Variants in MCF2L2 observed in about 807,000 individuals in gnomAD.
The protein encoded by MCF2L2 is probable guanine nucleotide exchange factor MCF2L2.
In MCF2L2, 102 loss-of-function variants were observed where a neutral mutation model predicts 150.2. The ratio of observed to expected loss-of-function variants is 0.68; its 90% CI spans 0.58 to 0.80. The LOEUF (loss-of-function observed/expected upper bound fraction) is 0.80, where lower values mean the gene tolerates loss of function less well. MCF2L2 is among the 30% of genes least tolerant of loss of function. MCF2L2 has a pLI of 0.00. For missense variants in MCF2L2, 1,256 were observed against 1,372.8 expected, an observed-to-expected ratio of 0.91 and a Z score of 1.34; for synonymous variants, 465 against 491.3, an observed-to-expected ratio of 0.95 and a Z score of 0.71.
At chr3:183,410,319 GTC>G (rs1185319186) in intron 1 of MCF2L2, among the ~76,000 whole-genome samples, 1 of 152,186 alleles carries the variant, frequency 6.6e-6, no homozygotes, top group African/African-American at 2.4e-5. Flanking sequence ...ACTTTTTGCA[GTC>G]TTTCTTAATA....
intron 1 of MCF2L2, among the ~76,000 whole-genome samples, chr3:183,412,063 A>C (rs1715341104): frequency 6.6e-6 from 1 of 152,230 alleles, no homozygotes; most frequent in Non-Finnish European, 1.5e-5. Context: ...AAGGAGGCTC[A>C]GTACTACCCT....
Position 183,362,989 on chromosome 3 carries a change from C to T in MCF2L2, c.275+16308G>A, listed in dbSNP as rs1712303804. 1.3e-5 allele frequency among the ~76,000 whole-genome samples: 2 copies of T among 151,994 alleles called. 1 individual carries two copies. Among genetic ancestry groups the T allele is most frequent in the South Asian group, 4.2e-4 (2 of 4,808 alleles). ...ACCCAATTTAAAAATGGGCAAAAGACCTAAACAGCACCTTACTAAAGAAGA... is the reference window on the plus strand; with the variant it reads ...ACCCAATTTAAAAATGGGCAAAAGATCTAAACAGCACCTTACTAAAGAAGA... On this transcript the variant is annotated intron_variant, in intron 3 of 29. Coordinates refer to ENST00000328913, the MANE Select transcript of MCF2L2 (RefSeq NM_015078.4).
intron 3 of MCF2L2, among the ~76,000 whole-genome samples, chr3:183,341,983 AG>A (rs1424305074): frequency 6.6e-6 from 1 of 152,218 alleles, no homozygotes; most frequent in Admixed American, 6.5e-5. Flanking sequence ...CCGCTCCCAA[AG>A]CAAACATTCA....
intron 22 of MCF2L2, among the ~76,000 whole-genome samples, chr3:183,215,350 T>C (rs868449466): frequency 1.4e-5 from 2 of 145,438 alleles, no homozygotes; most frequent in East Asian, 4.0e-4. Flanking sequence ...ATATTAACTA[T>C]GCTCCAGTCT....
intron 3 of MCF2L2, among the ~76,000 whole-genome samples, chr3:183,358,329 AAAAG>A (rs774496871): frequency 3.3e-5 from 5 of 152,136 alleles, no homozygotes; most frequent in Admixed American, 6.5e-5. Context: ...AAAGAAAAGA[AAAAG>A]AAGAGTGTGG....
intron 22 of MCF2L2, among the ~76,000 whole-genome samples, chr3:183,212,631 G>A (rs1395146384): frequency 6.6e-6 from 1 of 152,124 alleles, no homozygotes; most frequent in Non-Finnish European, 1.5e-5. Flanking sequence ...TCTTTTGGGT[G>A]CCCGTGTTTC....
intron 15 of MCF2L2, among the ~76,000 whole-genome samples, chr3:183,241,772 G>A (rs1724036195): frequency 6.6e-6 from 1 of 152,208 alleles, no homozygotes; most frequent in Non-Finnish European, 1.5e-5. Context: ...TTGGAACTGG[G>A]TAACAGGCAG....
intron 7 of MCF2L2, among the ~76,000 whole-genome samples, chr3:183,314,823 C>T (rs565108653): frequency 1.2e-4 from 16 of 131,696 alleles, no homozygotes; most frequent in African/African-American, 4.6e-4. Flanking sequence ...AGACCACTCA[C>T]GGTAAAATAA....
chr3:183,230,013 G>T (rs1483815460), intron 16 of MCF2L2, among the ~76,000 whole-genome samples: 1 of 152,096 alleles, frequency 6.6e-6, no homozygotes, highest in Non-Finnish European at 1.5e-5. Context: ...TTTGTGGGAA[G>T]AACAAATATA....
At chr3:183,362,085 C>A (rs948409226) in intron 3 of MCF2L2, among the ~76,000 whole-genome samples, 5 of 151,624 alleles carry the variant, frequency 3.3e-5, no homozygotes, top group Non-Finnish European at 7.4e-5. Context: ...CTGAAAACAT[C>A]TGAAATACTT....
intron 15 of MCF2L2, among the ~76,000 whole-genome samples, chr3:183,255,217 G>C (rs1009929365): frequency 6.6e-6 from 1 of 152,216 alleles, no homozygotes; most frequent in Non-Finnish European, 1.5e-5. Flanking sequence ...AAGGATGATT[G>C]AAGGTAGTTG....
At chr3:183,394,490 G>A (rs1714334037) in intron 1 of MCF2L2, among the ~76,000 whole-genome samples, 1 of 152,198 alleles carries the variant, frequency 6.6e-6, no homozygotes, top group African/African-American at 2.4e-5. Flanking sequence ...TTGCCGGGCT[G>A]GTACAAAAAG....
intron 3 of MCF2L2, among the ~76,000 whole-genome samples, chr3:183,344,039 G>A (rs766776408): frequency 1.8e-4 from 28 of 151,982 alleles, no homozygotes; most frequent in Admixed American, 7.2e-4. Flanking sequence ...GCCTGGTGGT[G>A]TGTGCCCGTA....
intron 3 of MCF2L2, among the ~76,000 whole-genome samples, chr3:183,346,024 T>G (rs1577079030): frequency 6.6e-6 from 1 of 152,318 alleles, no homozygotes; most frequent in African/African-American, 2.4e-5. Flanking sequence ...CTTCTGAAAC[T>G]ATTCCAAACA....
chr3:183,266,004 G>A (rs1312755720), intron 15 of MCF2L2: 1 of 152,144 alleles, frequency 6.6e-6, no homozygotes, highest in East Asian at 1.9e-4. Flanking sequence ...TGGAACAGCT[G>A]AAAAAATACA....
chr3:183,317,863 G>A (rs552251700), intron 7 of MCF2L2, among the ~76,000 whole-genome samples: 8 of 152,078 alleles, frequency 5.3e-5, no homozygotes, highest in Admixed American at 1.3e-4. Flanking sequence ...CCAGTCTCAA[G>A]AGACTCACTC....
rs527945613 is a variant in MCF2L2 at position 183,321,309 on chromosome 3, G to A, written c.603+1926C>T. 3.9e-5 allele frequency among the ~76,000 whole-genome samples: 6 copies of A among 151,928 alleles called. No individual in the cohort carries two copies. In the East Asian group the frequency reaches 5.8e-4, roughly 15 times the overall value. ...AAAAATTAGCTGGGCGTGGTGGCGC[G>A]TGCCTGTAATCCCAGTTACTTGGGA... On this transcript the variant is annotated intron_variant, in intron 6 of 29. Transcript: ENST00000328913.
At chr3:183,403,937 GA>G (rs551512562) in intron 1 of MCF2L2, among the ~76,000 whole-genome samples, 23 of 151,916 alleles carry the variant, frequency 1.5e-4, no homozygotes, top group Non-Finnish European at 3.2e-4. Flanking sequence ...AGGGAAAGAA[GA>G]AAAAAATGTT....
At chr3:183,338,245 G>A (rs906429721) in intron 5 of MCF2L2, among the ~76,000 whole-genome samples, 5 of 151,664 alleles carry the variant, frequency 3.3e-5, no homozygotes, top group Non-Finnish European at 7.4e-5. Flanking sequence ...CCAGGAGTTC[G>A]AGACCAGCCT....
Sources: gnomAD v4.1 joint callset for allele counts (sites outside exome capture counted in the v4.1 genomes callset) on GRCh38, gnomAD v4.1.1 for gene constraint, MANE v1.5 for transcripts, NCBI Gene and HGNC (gene_info 2026-07-23, HGNC 2026-07-21) for gene names.